Variants in SNX13 observed in about 807,000 individuals in gnomAD.
The protein encoded by SNX13 is sorting nexin-13.
In SNX13, 45 loss-of-function variants were observed where a neutral mutation model predicts 133.6. The ratio of observed to expected loss-of-function variants is 0.34; its 90% CI spans 0.27 to 0.43. The LOEUF (loss-of-function observed/expected upper bound fraction) is 0.43. Among genes scored for constraint, SNX13 ranks in the 20% least tolerant of loss-of-function variants. SNX13 has a pLI of 1.00. For missense variants in SNX13, 1,032 were observed against 1,145.1 expected, an observed-to-expected ratio of 0.90 and a Z score of 1.43; for synonymous variants, 414 against 373.9, an observed-to-expected ratio of 1.11 and a Z score of -1.24.
intron 12 of SNX13, among the ~76,000 whole-genome samples, chr7:17,840,435 C>G (rs184930736): frequency 6.6e-6 from 1 of 151,792 alleles, no homozygotes; most frequent in African/African-American, 2.4e-5. Context: ...GCAATCCTAA[C>G]GTAATAGCAA....
At chr7:17,867,436 G>A (rs1793526838) in intron 9 of SNX13, among the ~76,000 whole-genome samples, 1 of 151,914 alleles carries the variant, frequency 6.6e-6, no homozygotes, top group Non-Finnish European at 1.5e-5. Flanking sequence ...GCAAAACCAT[G>A]TCTCTACCAA....
chr7:17,815,199 T>C (rs780463634), intron 19 of SNX13, among the ~76,000 whole-genome samples: 4 of 152,180 alleles, frequency 2.6e-5, no homozygotes, highest in African/African-American at 4.8e-5. Context: ...TGTCTGAACA[T>C]ATTTACTATT....
intron 15 of SNX13, chr7:17,830,447 G>GA: frequency 8.1e-6 from 8 of 984,032 alleles, no homozygotes; most frequent in Non-Finnish European, 9.6e-6. Flanking sequence ...ATTGGATTAA[G>GA]AAAGATTACA....
intron 12 of SNX13, 143 bp from the exon 13 acceptor site, chr7:17,840,143 G>A: frequency 1.6e-6 from 1 of 610,314 alleles, no homozygotes; most frequent in Admixed American, 4.2e-5. Flanking sequence ...AATCCCTGAG[G>A]TGAAAATATA....
Position 17,940,457 on chromosome 7 carries a change from G to A in SNX13, c.-162C>T. On this transcript the variant is annotated 5_prime_UTR_variant, in exon 1 of 26. Transcript: ENST00000428135. ...GGCTTCGCTGGCCTCCCCTCGGCCC[G>A]GTCGCTCGCGACGGACGCGCCGCCA... The A allele has an allele frequency of 5.1e-6, 4 of 787,206 alleles. No homozygotes were observed. Among genetic ancestry groups the A allele is most frequent in the African/African-American group, 1.7e-5 (1 of 58,866 alleles). 48.8% of individuals were successfully genotyped at this position (787,206 alleles called of 1,614,324 possible). A position where few individuals can be genotyped will look rare whatever the true frequency, so the allele number is the denominator to read the frequency against.
intron 16 of SNX13, among the ~76,000 whole-genome samples, chr7:17,828,653 T>C (rs1788160197): frequency 6.6e-6 from 1 of 151,624 alleles, no homozygotes; most frequent in Non-Finnish European, 1.5e-5. Flanking sequence ...AAGTATGAAT[T>C]AAATAGATTT....
intron 1 of SNX13, among the ~76,000 whole-genome samples, chr7:17,905,580 C>T (rs1217295766): frequency 2.0e-5 from 3 of 152,158 alleles, no homozygotes; most frequent in Non-Finnish European, 4.4e-5. Flanking sequence ...ATTCTTTCCA[C>T]CAAAATAGTA....
intron 16 of SNX13, among the ~76,000 whole-genome samples, chr7:17,826,324 T>G (rs1341547640): frequency 6.6e-6 from 1 of 151,984 alleles, no homozygotes; most frequent in East Asian, 1.9e-4. Context: ...ACTTAATATA[T>G]TAGATTATTT....
At chr7:17,894,349 T>C (rs894010572) in intron 2 of SNX13, among the ~76,000 whole-genome samples, 1 of 151,568 alleles carries the variant, frequency 6.6e-6, no homozygotes, top group African/African-American at 2.4e-5. Context: ...GGCTAGCTAA[T>C]AACCATGGAT....
At chr7:17,917,293 A>G (rs1350720198) in intron 1 of SNX13, among the ~76,000 whole-genome samples, 1 of 152,186 alleles carries the variant, frequency 6.6e-6, no homozygotes, top group Non-Finnish European at 1.5e-5. Context: ...TATTTAACAT[A>G]GTACCAGAAG....
At chr7:17,850,688 C>G (rs1196001486) in intron 10 of SNX13, 138 bp downstream of exon 10, 5 of 713,736 alleles carry the variant, frequency 7.0e-6, no homozygotes, top group South Asian at 5.3e-5. Context: ...TAACTAAGCA[C>G]ATGTTAACCT....
At chr7:17,862,092 C>T (rs892768837) in intron 9 of SNX13, among the ~76,000 whole-genome samples, 11 of 152,222 alleles carry the variant, frequency 7.2e-5, no homozygotes, top group Admixed American at 3.3e-4. Context: ...TTACTATATA[C>T]GTAATTACAG....
intron 9 of SNX13, among the ~76,000 whole-genome samples, chr7:17,865,331 A>C (rs777199314): frequency 5.9e-5 from 9 of 152,240 alleles, no homozygotes; most frequent in Non-Finnish European, 1.0e-4. Flanking sequence ...TACAAAAATC[A>C]ATAGTGTTTC....
chr7:17,849,473 A>G (rs577623720), intron 11 of SNX13, among the ~76,000 whole-genome samples: 2 of 152,278 alleles, frequency 1.3e-5, no homozygotes, highest in East Asian at 1.9e-4. Context: ...TATTCTCCAC[A>G]AAGAGTAAAG....
intron 11 of SNX13, 73 bp from the exon 12 acceptor site, chr7:17,845,767 A>C: frequency 9.3e-7 from 1 of 1,078,510 alleles, no homozygotes; most frequent in Non-Finnish European, 1.3e-6. Flanking sequence ...CATAAATATA[A>C]GGAAAAAAAT....
intron 1 of SNX13, among the ~76,000 whole-genome samples, chr7:17,910,444 G>T (rs535871480): frequency 1.3e-5 from 2 of 152,224 alleles, no homozygotes; most frequent in African/African-American, 4.8e-5. Flanking sequence ...TGGAGGACAA[G>T]GAAGATAAAA....
In SNX13 at chr7:17,793,200, C is replaced by T. The variant is rs1447503120; in HGVS notation, c.*845G>A. On this transcript the variant is annotated 3_prime_UTR_variant, in exon 26 of 26. Coordinates refer to ENST00000428135, the MANE Select transcript of SNX13 (RefSeq NM_015132.5). The stretch of plus-strand genomic sequence containing the variant: ...TTTTAGAAGGACAAAATGTATTTGG[C>T]AGTTCTTCCAATAAATTATATCTTC... 6.6e-6 allele frequency: 1 copy of T among 152,182 alleles called. No individual in the cohort carries two copies. The highest frequency in any genetic ancestry group is 1.5e-5 in the Non-Finnish European group (1 of 67,808). 9.4% of individuals were successfully genotyped at this position (152,182 alleles called of 1,614,324 possible). A position where few individuals can be genotyped will look rare whatever the true frequency, so the allele number is the denominator to read the frequency against.
intron 20 of SNX13, among the ~76,000 whole-genome samples, chr7:17,811,750 T>C (rs1034527397): frequency 2.0e-5 from 3 of 152,158 alleles, no homozygotes; most frequent in African/African-American, 7.2e-5. Flanking sequence ...CAAACTATAC[T>C]ACAAAGCTAC....
intron 1 of SNX13, among the ~76,000 whole-genome samples, chr7:17,908,949 G>C (rs1005605177): frequency 6.6e-6 from 1 of 152,066 alleles, no homozygotes; most frequent in Non-Finnish European, 1.5e-5. Context: ...TAAGGATATA[G>C]CCAGGTGAAG....
Sources: gnomAD v4.1 joint callset for allele counts (sites outside exome capture counted in the v4.1 genomes callset) on GRCh38, gnomAD v4.1.1 for gene constraint, MANE v1.5 for transcripts, NCBI Gene and HGNC (gene_info 2026-07-23, HGNC 2026-07-21) for gene names.